IL1RAPL1: variants seen among roughly 807,000 people sequenced by gnomAD.
IL1RAPL1 encodes interleukin-1 receptor accessory protein-like 1.
In IL1RAPL1, 3 loss-of-function variants were observed where a neutral mutation model predicts 48.4. That is an observed-to-expected ratio of 0.06 (90% CI 0.03 to 0.16). The LOEUF is 0.16. IL1RAPL1 is among the 10% of genes least tolerant of loss of function. The pLI, the probability that IL1RAPL1 is intolerant of heterozygous loss-of-function variation, is 1.00. For missense variants in IL1RAPL1, 349 were observed against 530.6 expected (o/e 0.66, Z 3.36); for synonymous variants, 185 against 187.7 (o/e 0.99, Z 0.12).
chrX:28,798,340 C>G (rs1001232664), intron 2 of IL1RAPL1, among the ~76,000 whole-genome samples: 1 of 111,657 alleles, frequency 9.0e-6, no homozygotes, highest in Non-Finnish European at 1.9e-5. Flanking sequence ...GATGTTTTAA[C>G]AAATTGCTAC....
intron 1 of IL1RAPL1, among the ~76,000 whole-genome samples, chrX:28,691,192 TA>T (rs1477791939): frequency 9.0e-6 from 1 of 110,984 alleles, no homozygotes; most frequent in Non-Finnish European, 1.9e-5. Context: ...TATGCCATCT[TA>T]CTCTCTGAAT....
At chrX:29,909,253 G>GTGAC (rs995239513) in intron 6 of IL1RAPL1, among the ~76,000 whole-genome samples, 4 of 110,731 alleles carry the variant, frequency 3.6e-5, no homozygotes, top group African/African-American at 9.9e-5. Context: ...ACCAACCTGG[G>GTGAC]TGACAAAGCT....
At chrX:29,256,310 G>A (rs887501643) in intron 2 of IL1RAPL1, among the ~76,000 whole-genome samples, 5 of 110,620 alleles carry the variant, frequency 4.5e-5, no homozygotes, top group African/African-American at 1.6e-4. Context: ...ATTGCTGGCT[G>A]CTTATACTAA....
At chrX:28,841,970 A>G (rs1270156254) in intron 2 of IL1RAPL1, among the ~76,000 whole-genome samples, 2 of 111,018 alleles carry the variant, frequency 1.8e-5, no homozygotes, top group Non-Finnish European at 3.8e-5. Flanking sequence ...TAGACATGCC[A>G]GTGAGCTACA....
intron 2 of IL1RAPL1, among the ~76,000 whole-genome samples, chrX:28,890,533 T>G (rs192218822): frequency 2.1e-4 from 23 of 112,164 alleles, no homozygotes; most frequent in Admixed American, 2.0e-3. Flanking sequence ...ATTTTTCTAT[T>G]GGAAAAACTT....
At chrX:29,279,167 G>A (rs1449805800) in intron 2 of IL1RAPL1, among the ~76,000 whole-genome samples, 2 of 112,328 alleles carry the variant, frequency 1.8e-5, no homozygotes, top group East Asian at 2.8e-4. Context: ...GGCCGGGCTT[G>A]GTGGCTCACT....
intron 2 of IL1RAPL1, among the ~76,000 whole-genome samples, chrX:29,102,621 A>T (rs889807881): frequency 1.8e-5 from 2 of 108,374 alleles, no homozygotes; most frequent in African/African-American, 6.7e-5. Context: ...AGCCAAGATC[A>T]TGCCTTTGCA....
At chrX:29,661,339 A>C (rs1925841140) in intron 5 of IL1RAPL1, among the ~76,000 whole-genome samples, 1 of 112,378 alleles carries the variant, frequency 8.9e-6, no homozygotes, top group Admixed American at 9.4e-5. Flanking sequence ...TGTTTTTACA[A>C]AGACTTGCAG....
chrX:29,873,416 T>C (rs928157438), intron 6 of IL1RAPL1, among the ~76,000 whole-genome samples: 9 of 102,266 alleles, frequency 8.8e-5, no homozygotes, highest in Admixed American at 3.3e-4. Context: ...TAATCCCTAA[T>C]GCAATAATAT....
At chrX:29,262,481 TG>T (rs2147584228) in intron 2 of IL1RAPL1, among the ~76,000 whole-genome samples, 1 of 110,638 alleles carries the variant, frequency 9.0e-6, no homozygotes, top group Non-Finnish European at 1.9e-5. Flanking sequence ...CTGACCAACA[TG>T]GAGAAACCAA....
chrX:29,744,099 G>A (rs1236694467), intron 6 of IL1RAPL1, among the ~76,000 whole-genome samples: 2 of 111,947 alleles, frequency 1.8e-5, no homozygotes, highest in Admixed American at 9.5e-5. Flanking sequence ...TCCAACAATC[G>A]AGTTTGTTTG....
At chrX:29,786,619 G>A (rs1929506456) in intron 6 of IL1RAPL1, among the ~76,000 whole-genome samples, 1 of 107,228 alleles carries the variant, frequency 9.3e-6, no homozygotes, top group African/African-American at 3.4e-5. Flanking sequence ...TGTGTGGATT[G>A]AGGGAGGGAG....
At chrX:29,608,609 G>A (rs1305598391) in intron 5 of IL1RAPL1, among the ~76,000 whole-genome samples, 10 of 110,239 alleles carry the variant, frequency 9.1e-5, no homozygotes, top group South Asian at 4.0e-4. Context: ...GGCGGATCAC[G>A]AGGTCAGGAG....
chrX:29,892,545 G>A (rs968713241), intron 6 of IL1RAPL1, among the ~76,000 whole-genome samples: 26 of 112,648 alleles, frequency 2.3e-4, no homozygotes, highest in Non-Finnish European at 3.9e-4. Flanking sequence ...AATTTAGAAT[G>A]TATCTGGGGG....
chrX:28,762,913 T>G (rs1409604643), intron 1 of IL1RAPL1, among the ~76,000 whole-genome samples: 2 of 109,838 alleles, frequency 1.8e-5, no homozygotes, highest in African/African-American at 6.7e-5. Flanking sequence ...AATGAGGTAT[T>G]TTTACACCAT....
intron 2 of IL1RAPL1, among the ~76,000 whole-genome samples, chrX:28,890,926 G>A (rs1490469410): frequency 4.5e-5 from 5 of 112,288 alleles, no homozygotes; most frequent in African/African-American, 1.6e-4. Flanking sequence ...ATACTCCTTC[G>A]TGAAATACAG....
At chrX:29,519,279 A>G (rs1935479022) in intron 5 of IL1RAPL1, among the ~76,000 whole-genome samples, 1 of 111,799 alleles carries the variant, frequency 8.9e-6, no homozygotes, top group Non-Finnish European at 1.9e-5. Context: ...CGAGAGGTCC[A>G]AATTTTCTCT....
At chrX:28,945,837 C>T (rs1304634398) in intron 2 of IL1RAPL1, among the ~76,000 whole-genome samples, 4 of 106,748 alleles carry the variant, frequency 3.7e-5, no homozygotes, top group African/African-American at 1.4e-4. Context: ...CCAAGTTCTG[C>T]TTTTATGGGA....
intron 2 of IL1RAPL1, among the ~76,000 whole-genome samples, chrX:28,906,845 T>A (rs995087248): frequency 6.2e-5 from 7 of 112,039 alleles, no homozygotes. Context: ...GTCTAATATA[T>A]CCAGCCAAAG....
Sources: allele counts gnomAD v4.1 joint callset (sites outside exome capture counted in the v4.1 genomes callset), GRCh38; gene constraint gnomAD v4.1.1; transcripts MANE v1.5; gene names NCBI Gene and HGNC (gene_info 2026-07-23, HGNC 2026-07-21).